MFF: variants seen among roughly 807,000 people sequenced by gnomAD.
MFF encodes mitochondrial fission factor, also known as chromosome 2 open reading frame 33.
In MFF, 12 loss-of-function variants were observed where a neutral mutation model predicts 36.9. That is an observed-to-expected ratio of 0.33 (90% CI 0.21 to 0.53). The LOEUF (loss-of-function observed/expected upper bound fraction) is 0.53, where lower values mean the gene tolerates loss of function less well. Among genes scored for constraint, MFF ranks in the 20% least tolerant of loss-of-function variants. The probability of loss-of-function intolerance (pLI) is 0.95; values close to 1 mark genes in which losing one functional copy is unlikely to be tolerated. For missense variants in MFF, 348 were observed against 366.6 expected (o/e 0.95, Z 0.42); for synonymous variants, 99 against 126.2 (o/e 0.78, Z 1.44).
At chr2:227,336,801 G>A (rs73994248) in intron 4 of MFF, among the ~76,000 whole-genome samples, 15,156 of 152,226 alleles carry the variant, frequency 0.1, 1,218 homozygotes, top group African/African-American at 0.21. Flanking sequence ...TAATTCTACC[G>A]TAAAGAAGTA....
At chr2:227,330,374 A>G (rs544946103) in intron 2 of MFF, 1 of 449,984 alleles carries the variant, frequency 2.2e-6, no homozygotes, top group Admixed American at 4.0e-5. Flanking sequence ...TTTGTGTTGT[A>G]ATTCTATAAT....
chr2:227,325,974 T>A lies in MFF; in HGVS notation c.-153+547T>A, dbSNP rs1218933530. 2.6e-5 allele frequency among the ~76,000 whole-genome samples: 4 copies of A among 152,206 alleles called. No individual in the cohort carries two copies. In the East Asian group the frequency reaches 7.7e-4, roughly 29 times the overall value. ...GGCTGCGGGCCACCCTGTCCGTCTG[T>A]GAGCATCCCTGCTCGCAGATGTGGC... is the stretch of plus-strand genomic sequence containing the variant. On this transcript the variant is annotated intron_variant, in intron 1 of 8. Transcript: ENST00000304593.
At chr2:227,351,248 A>G (rs1467757400) in intron 6 of MFF, among the ~76,000 whole-genome samples, 2 of 152,204 alleles carry the variant, frequency 1.3e-5, no homozygotes, top group African/African-American at 4.8e-5. Flanking sequence ...TTTTTTAGCC[A>G]GTAAAATAAA....
intron 7 of MFF, among the ~76,000 whole-genome samples, chr2:227,354,988 C>T (rs543893091): frequency 6.6e-6 from 1 of 152,220 alleles, no homozygotes; most frequent in South Asian, 2.1e-4. Context: ...TGGTGAAACC[C>T]CATCTCTACT....
chr2:227,354,090 T>A (rs1171552475), intron 7 of MFF, among the ~76,000 whole-genome samples: 6 of 152,210 alleles, frequency 3.9e-5, no homozygotes, highest in African/African-American at 1.2e-4. Context: ...TGTGTTCTCA[T>A]GAAATAAGGA....
At position 227,350,824 on chromosome 2, in the gene MFF, A is replaced by T. The variant is rs1356300468; in HGVS notation, c.600-1690A>T. Among the ~76,000 whole-genome samples, 3 of 152,314 alleles carry T rather than the reference A, an allele frequency of 2.0e-5. No individual in the cohort carries two copies. In the East Asian group the frequency reaches 5.8e-4, roughly 29 times the overall value. On this transcript the variant is annotated intron_variant, in intron 6 of 8. Transcript: ENST00000304593. ...CACTCTACAAAACATACTGTTGAGAAGATTTTATGTATTAAATCATACTTA... is the reference window on the plus strand; with the variant it reads ...CACTCTACAAAACATACTGTTGAGATGATTTTATGTATTAAATCATACTTA...
intron 6 of MFF, 75 bp from the exon 7 acceptor site, chr2:227,352,439 G>A (rs2076045353): frequency 9.6e-7 from 1 of 1,045,866 alleles, no homozygotes; most frequent in Non-Finnish European, 1.4e-6. Context: ...TATTTGTCTT[G>A]TTTTTGCTTT....
chr2:227,338,430 C>G (rs80066402), intron 4 of MFF, among the ~76,000 whole-genome samples: 15,072 of 151,582 alleles, frequency 0.099, 1,214 homozygotes, highest in African/African-American at 0.21. Flanking sequence ...GCCACCGTGC[C>G]CAACCAAAAA....
In MFF at chr2:227,332,388, CTTCT is replaced by C. The variant is rs776583477; in HGVS notation, c.182-28_182-25del. On this transcript the variant is annotated intron_variant, in intron 3 of 8. Coordinates refer to ENST00000304593, the MANE Select transcript of MFF (RefSeq NM_001277062.2). ...TTTTTAAAAAACCTCCCGCTTTTCT[CTTCT>C]TTGTCTCTTTTCTTGAAAACTCCTA... The C allele has an allele frequency of 3.4e-5, 52 of 1,516,772 alleles. No individual in the cohort carries two copies. In the African/African-American group the frequency reaches 5.5e-4, roughly 16 times the overall value. 94.0% of individuals were successfully genotyped at this position (1,516,772 alleles called of 1,614,324 possible).
rs189386019 is a variant in MFF, at chr2:227,335,075, G to A, written c.351+2487G>A. ...AATCCCAGCTACTCTGGAGGGGGAG[G>A]CAGGAGAATCACTTGAACCCCGGGG... On this transcript the variant is annotated intron_variant, in intron 4 of 8. Coordinates refer to ENST00000304593, the MANE Select transcript of MFF (RefSeq NM_001277062.2). Among the ~76,000 whole-genome samples, 839 of 151,304 alleles carry A rather than the reference G, an allele frequency of 5.5e-3. 3 individuals are homozygous for A. The highest frequency in any genetic ancestry group is 0.02 in the Middle Eastern group (6 of 294).
At chr2:227,345,923 C>T (rs903428879) in intron 5 of MFF, among the ~76,000 whole-genome samples, 1 of 152,114 alleles carries the variant, frequency 6.6e-6, no homozygotes, top group Non-Finnish European at 1.5e-5. Flanking sequence ...TTGCTTTATA[C>T]GTTAAGATTT....
intron 4 of MFF, among the ~76,000 whole-genome samples, chr2:227,333,499 T>C (rs2074753596): frequency 6.6e-6 from 1 of 152,218 alleles, no homozygotes; most frequent in East Asian, 1.9e-4. Flanking sequence ...TTAACAAACA[T>C]TTTTTAACTT....
chr2:227,340,230 T>C (rs932728186), intron 4 of MFF, 62 bp from the exon 5 acceptor site: 2 of 1,376,314 alleles, frequency 1.5e-6, no homozygotes, highest in African/African-American at 2.9e-5. Context: ...CTTTTGATGC[T>C]AAGCAGCTAC....
intron 4 of MFF, 76 bp from the exon 5 acceptor site, chr2:227,340,216 G>C (rs934678165): frequency 1.6e-6 from 2 of 1,223,616 alleles, no homozygotes; most frequent in African/African-American, 3.0e-5. Flanking sequence ...CTTGTATCGA[G>C]GTTCTTTTGA....
intron 4 of MFF, among the ~76,000 whole-genome samples, chr2:227,334,418 A>G: frequency 6.6e-6 from 1 of 152,204 alleles, no homozygotes; most frequent in East Asian, 1.9e-4. Flanking sequence ...ACTCAACTGC[A>G]GTGAGCAAGG....
At chr2:227,347,089 G>C (rs1024872469) in intron 5 of MFF, 137 bp from the exon 6 acceptor site, 1 of 655,996 alleles carries the variant, frequency 1.5e-6, no homozygotes, top group Non-Finnish European at 2.6e-6. Context: ...TTCTTTGACT[G>C]TTTTCTTGTG....
rs746736381 is a variant in MFF at position 227,325,302 on chromosome 2, C to G, written c.-278C>G. On this transcript the variant is annotated 5_prime_UTR_variant, in exon 1 of 9. Transcript: ENST00000304593. ...GCTTCTGCCCTGGCCCTCTGCGGGC[C>G]GCTCCGCCGGTGCTGTCCCTGGGCG... is the stretch of plus-strand genomic sequence containing the variant. 1.9e-5 allele frequency: 3 copies of G among 156,364 alleles called. No individual in the cohort carries two copies. Among genetic ancestry groups the G allele is most frequent in the African/African-American group, 7.2e-5 (3 of 41,732 alleles). The allele number at this position is 156,364 out of a possible 1,614,324, so 9.7% of individuals were successfully genotyped here.
At chr2:227,354,304 A>T (rs1268171788) in intron 7 of MFF, among the ~76,000 whole-genome samples, 1 of 152,222 alleles carries the variant, frequency 6.6e-6, no homozygotes, top group East Asian at 1.9e-4. Flanking sequence ...TGAAAAGTAT[A>T]ATTCTGCTTC....
chr2:227,336,453 G>A (rs879413541), intron 4 of MFF, among the ~76,000 whole-genome samples: 5 of 152,170 alleles, frequency 3.3e-5, no homozygotes, highest in Non-Finnish European at 7.4e-5. Context: ...CACAAGAATC[G>A]TCAATAGTTA....
Sources: allele counts gnomAD v4.1 joint callset (sites outside exome capture counted in the v4.1 genomes callset), GRCh38; gene constraint gnomAD v4.1.1; transcripts MANE v1.5; gene names NCBI Gene and HGNC (gene_info 2026-07-23, HGNC 2026-07-21).